CDK12: variants seen among roughly 807,000 people sequenced by gnomAD.
CDK12 encodes cyclin-dependent kinase 12.
A neutral mutation model predicts 133.8 loss-of-function variants in CDK12; 17 were observed. The observed-to-expected ratio is 0.13, with a 90% CI of 0.09 to 0.19. CDK12 has a LOEUF of 0.19. Ranked by LOEUF, CDK12 falls within the 10% of genes least tolerant of loss-of-function variation. The pLI, the probability that CDK12 is intolerant of heterozygous loss-of-function variation, is 1.00. For synonymous variants in CDK12, 694 were observed against 683.6 expected, an observed-to-expected ratio of 1.02 and a Z score of -0.24; for missense variants, 1,508 against 1,818.7, an observed-to-expected ratio of 0.83 and a Z score of 3.11.
chr17:39,462,056 G>A lies in CDK12; in HGVS notation c.-16G>A. On this transcript the variant is annotated 5_prime_UTR_variant, in exon 1 of 14. Transcript: ENST00000447079. ...CTGGGGAACTTTTTTCCCTTCTTCA[G>A]GTCAGGGGAAAGGGAATGCCCAATT... 1 of 1,606,782 alleles carries A rather than the reference G, an allele frequency of 6.2e-7. No homozygotes were observed. Among genetic ancestry groups the A allele is most frequent in the Non-Finnish European group, 8.5e-7 (1 of 1,174,662 alleles).
At chr17:39,553,592 T>G (rs1393716198) in intron 2 of CDK12, among the ~76,000 whole-genome samples, 43 of 152,198 alleles carry the variant, frequency 2.8e-4, no homozygotes, top group Admixed American at 2.8e-3. Flanking sequence ...ACAGAGCACA[T>G]GCTGAGGTCT....
intron 5 of CDK12, among the ~76,000 whole-genome samples, chr17:39,501,028 G>A (rs917001422): frequency 2.6e-5 from 4 of 152,162 alleles, no homozygotes; most frequent in South Asian, 4.1e-4. Context: ...CAGCCACTGC[G>A]CCCAGCCACA....
intron 2 of CDK12, among the ~76,000 whole-genome samples, chr17:39,478,486 G>A (rs1316457395): frequency 1.3e-5 from 2 of 151,990 alleles, no homozygotes; most frequent in Non-Finnish European, 2.9e-5. Flanking sequence ...GAGCCAACGT[G>A]CCCAGCCCTG....
rs150330877 is a variant in CDK12, at chr17:39,532,501, A to T, written c.*1185A>T. ...AACCTTTCAAACAGAGCATTGTGATATTGTCAAAGAGAAAAACAAATCCTG... is the reference window on the plus strand; with the variant it reads ...AACCTTTCAAACAGAGCATTGTGATTTTGTCAAAGAGAAAAACAAATCCTG... On this transcript the variant is annotated 3_prime_UTR_variant, in exon 14 of 14. Transcript: ENST00000447079. The T allele has an allele frequency of 2.2e-4, 52 of 231,806 alleles. No homozygotes were observed. Among genetic ancestry groups the T allele is most frequent in the Middle Eastern group, 1.3e-3 (1 of 782 alleles). 14.4% of individuals were successfully genotyped at this position (231,806 alleles called of 1,614,324 possible).
chr17:39,495,557 C>G (rs548922782), intron 5 of CDK12, among the ~76,000 whole-genome samples: 4 of 151,590 alleles, frequency 2.6e-5, no homozygotes, highest in African/African-American at 9.7e-5. Flanking sequence ...TTTGGGAGGC[C>G]GAGGTGGGCA....
upstream of CDK12, among the ~76,000 whole-genome samples, chr17:39,543,309 G>A (rs1267173243): frequency 6.6e-6 from 1 of 152,206 alleles, no homozygotes; most frequent in Non-Finnish European, 1.5e-5. Context: ...CCTAAATAGT[G>A]TGTTCAGTTG....
intron 3 of CDK12, among the ~76,000 whole-genome samples, chr17:39,558,846 G>A (rs538878565): frequency 2.1e-4 from 32 of 152,276 alleles, no homozygotes; most frequent in African/African-American, 7.5e-4. Flanking sequence ...GTTTCATCAT[G>A]TTGGCCAGGC....
chr17:39,479,924 C>CT (rs67125473), intron 2 of CDK12, among the ~76,000 whole-genome samples: 68 of 140,882 alleles, frequency 4.8e-4, no homozygotes, highest in Non-Finnish European at 7.1e-4. Context: ...ACTGCACTGG[C>CT]TTTTTTTTTT....
chr17:39,543,280 T>C (rs1187936941), upstream of CDK12, among the ~76,000 whole-genome samples: 4 of 152,222 alleles, frequency 2.6e-5, no homozygotes, highest in Non-Finnish European at 5.9e-5. Flanking sequence ...TATGTGGTGA[T>C]CCACAGTGGC....
upstream of CDK12, chr17:39,544,438 A>G (rs1417821561): frequency 6.0e-6 from 1 of 167,950 alleles, no homozygotes; most frequent in Admixed American, 7.5e-5. Context: ...ACCCCACCCC[A>G]CCCCTGGTCT....
intron 5 of CDK12, among the ~76,000 whole-genome samples, chr17:39,497,999 CTCTCTTTCTTTCT>C (rs1476567923): frequency 8.2e-6 from 1 of 121,302 alleles, no homozygotes; most frequent in Non-Finnish European, 1.8e-5. Flanking sequence ...CTCTCTCTTT[CTCTCTTTCTTTCT>C]TTTTTTTTTG....
chr17:39,496,852 G>T (rs1048273626), intron 5 of CDK12, among the ~76,000 whole-genome samples: 1 of 144,342 alleles, frequency 6.9e-6, no homozygotes, highest in African/African-American at 2.6e-5. Flanking sequence ...TTCCTTTTAA[G>T]AAAATTAGTA....
intron 2 of CDK12, among the ~76,000 whole-genome samples, chr17:39,472,851 G>A (rs950402954): frequency 4.6e-5 from 7 of 151,814 alleles, no homozygotes; most frequent in African/African-American, 1.7e-4. Flanking sequence ...CAAGGCGGGC[G>A]GATCACAAGG....
intron 6 of CDK12, among the ~76,000 whole-genome samples, chr17:39,507,352 C>A (rs1220394585): frequency 3.3e-5 from 5 of 150,326 alleles, no homozygotes; most frequent in Non-Finnish European, 7.4e-5. Context: ...TTTGGGAGGC[C>A]GAGGCAGGCG....
chr17:39,523,723 G>A (rs1248984236), intron 11 of CDK12, among the ~76,000 whole-genome samples: 2 of 150,978 alleles, frequency 1.3e-5, no homozygotes, highest in South Asian at 2.1e-4. Context: ...GTGTGATCTC[G>A]GCTCACTGCA....
At chr17:39,550,095 AG>A (rs1259159466), upstream of CDK12, 1 of 151,898 alleles carries the variant, frequency 6.6e-6, no homozygotes, top group Non-Finnish European at 1.5e-5. Context: ...AAGCTGGGGC[AG>A]GGGGGTATAG....
chr17:39,493,869 G>A (rs2051848096), intron 4 of CDK12, among the ~76,000 whole-genome samples: 1 of 151,704 alleles, frequency 6.6e-6, no homozygotes, highest in African/African-American at 2.4e-5. Context: ...GGTGCCACAC[G>A]CCTGTAGTCC....
intron 3 of CDK12, among the ~76,000 whole-genome samples, chr17:39,561,657 G>T (rs1377200083): frequency 6.6e-6 from 1 of 152,160 alleles, no homozygotes; most frequent in African/African-American, 2.4e-5. Context: ...GTTCTGTCTG[G>T]CCAAAGGCTC....
chr17:39,481,653 TC>T (rs1567706202), intron 2 of CDK12, among the ~76,000 whole-genome samples: 1 of 13,564 alleles, frequency 7.4e-5, no homozygotes, highest in Non-Finnish European at 2.0e-4. Flanking sequence ...TCTCTCTCTC[TC>T]TCTCTCTCTC....
Sources: gnomAD v4.1 joint callset for allele counts (sites outside exome capture counted in the v4.1 genomes callset) on GRCh38, gnomAD v4.1.1 for gene constraint, MANE v1.5 for transcripts, NCBI Gene and HGNC (gene_info 2026-07-23, HGNC 2026-07-21) for gene names.